The following MAD1L1 variants were observed in gnomAD, a reference collection of about 807,000 sequenced individuals.
MAD1L1 encodes mitotic spindle assembly checkpoint protein MAD1.
MAD1L1 carries 95 observed loss-of-function variants against 96.9 expected under a neutral mutation model. The ratio of observed to expected loss-of-function variants is 0.98; its 90% CI spans 0.83 to 1.16. The LOEUF (loss-of-function observed/expected upper bound fraction) is 1.16, where lower values mean the gene tolerates loss of function less well. MAD1L1 is among the 50% of genes most tolerant of loss of function. The probability of loss-of-function intolerance (pLI) is 0.00; values close to 1 mark genes in which losing one functional copy is unlikely to be tolerated. For missense variants in MAD1L1, 1,007 were observed against 954.4 expected (o/e 1.06, Z -0.73); for synonymous variants, 473 against 396.6 (o/e 1.19, Z -2.29).
chr7:2,223,922 T>G (rs1010256727), intron 4 of MAD1L1, among the ~76,000 whole-genome samples: 1 of 152,198 alleles, frequency 6.6e-6, no homozygotes, highest in Admixed American at 6.5e-5. Flanking sequence ...TGGGGTCCCA[T>G]GCAGCTGTGT....
intron 18 of MAD1L1, among the ~76,000 whole-genome samples, chr7:1,888,033 C>G (rs996137278): frequency 8.7e-5 from 12 of 137,602 alleles, no homozygotes; most frequent in African/African-American, 3.4e-4. Context: ...ATGCGTGAGA[C>G]TGAGCATGTG....
chr7:2,217,005 G>A (rs918527591), intron 7 of MAD1L1, among the ~76,000 whole-genome samples: 3 of 152,120 alleles, frequency 2.0e-5, no homozygotes, highest in Non-Finnish European at 4.4e-5. Flanking sequence ...GCACACTGCC[G>A]GGCTGCTGTG....
chr7:1,981,260 C>G (rs1780891323), intron 14 of MAD1L1, among the ~76,000 whole-genome samples: 1 of 152,228 alleles, frequency 6.6e-6, no homozygotes, highest in South Asian at 2.1e-4. Context: ...AGCCGGTGTG[C>G]CCGGCCAGGA....
intron 18 of MAD1L1, among the ~76,000 whole-genome samples, chr7:1,820,771 T>C (rs1349950932): frequency 6.6e-6 from 1 of 151,054 alleles, no homozygotes; most frequent in Non-Finnish European, 1.5e-5. Context: ...CCAGCAACGA[T>C]AAATTGATAA....
At chr7:1,872,459 C>T (rs1243473581) in intron 18 of MAD1L1, among the ~76,000 whole-genome samples, 2 of 152,238 alleles carry the variant, frequency 1.3e-5, no homozygotes, top group African/African-American at 2.4e-5. Flanking sequence ...CCCTGAGCCT[C>T]AGGGCAGGCA....
chr7:2,162,591 TAA>T (rs1333798316), intron 10 of MAD1L1, among the ~76,000 whole-genome samples: 1 of 109,978 alleles, frequency 9.1e-6, no homozygotes. Context: ...CAATAAATAC[TAA>T]AAAAAAAAAC....
Position 2,103,789 on chromosome 7 carries a change from G to A in MAD1L1, c.1074-34451C>T, listed in dbSNP as rs1296670219. 6.6e-6 allele frequency among the ~76,000 whole-genome samples: 1 copy of A among 152,224 alleles called. No homozygotes were observed. Among genetic ancestry groups the A allele is most frequent in the East Asian group, 1.9e-4 (1 of 5,184 alleles). Reference sequence around the variant, plus strand: ...GACCCCCTGAACCACTGTGCACGGAGTCCCTCCGCATCCCCAGGCAGAGGG... The same window carrying A: ...GACCCCCTGAACCACTGTGCACGGAATCCCTCCGCATCCCCAGGCAGAGGG... On this transcript the variant is annotated intron_variant, in intron 11 of 18. Coordinates refer to ENST00000265854, the MANE Select transcript of MAD1L1 (RefSeq NM_001013836.2). This position sits in a 1 kb window ranked among gnomAD's most constrained non-coding sequence, Gnocchi z 4.3.
At position 2,142,450 on chromosome 7, in the gene MAD1L1, G is replaced by A. The variant is rs1179768601; in HGVS notation, c.1073+6702C>T. Among the ~76,000 whole-genome samples the A allele has an allele frequency of 6.6e-6, 1 of 152,216 alleles. No homozygotes were observed. The highest frequency in any genetic ancestry group is 1.5e-5 in the Non-Finnish European group (1 of 68,032). On this transcript the variant is annotated intron_variant, in intron 11 of 18. Transcript: ENST00000265854. This position sits in a 1 kb window ranked among gnomAD's most constrained non-coding sequence, Gnocchi z 4.7. The stretch of plus-strand genomic sequence containing the variant: ...AACTCTTGGGACCAGCCCCACATGG[G>A]ACGCACAAGGGGCAGAGGGGGACAG...
At chr7:1,962,874 G>C (rs1006304173) in intron 15 of MAD1L1, among the ~76,000 whole-genome samples, 5 of 152,172 alleles carry the variant, frequency 3.3e-5, no homozygotes, top group Non-Finnish European at 5.9e-5. Context: ...TTGAGCCCAG[G>C]AGTCAGAGGC....
At chr7:2,211,294 CG>C (rs1412911646) in intron 10 of MAD1L1, among the ~76,000 whole-genome samples, 1 of 152,116 alleles carries the variant, frequency 6.6e-6, no homozygotes, top group Non-Finnish European at 1.5e-5. Context: ...ATGCTGGCCA[CG>C]CCCAGGCAGC....
In MAD1L1 at chr7:2,226,066, C is replaced by G. The variant is rs1375573609; in HGVS notation, c.151-516G>C. On this transcript the variant is annotated intron_variant, in intron 3 of 18. Transcript: ENST00000265854. Reference sequence around the variant, plus strand: ...CTCCAAAGTCAACCACGTCCAATCTCCCTCATCAAATCCCTCTCCTGCTAT... The same window carrying G: ...CTCCAAAGTCAACCACGTCCAATCTGCCTCATCAAATCCCTCTCCTGCTAT... Among the ~76,000 whole-genome samples the G allele has an allele frequency of 2.6e-5, 4 of 152,320 alleles. No homozygotes were observed. The East Asian group carries it at 7.7e-4, about 29-fold the overall frequency.
intron 17 of MAD1L1, among the ~76,000 whole-genome samples, chr7:1,912,981 C>G (rs940565269): frequency 1.3e-5 from 2 of 152,152 alleles, no homozygotes; most frequent in African/African-American, 4.8e-5. Context: ...TGCAGAACCT[C>G]AGCTCCCCGG....
At chr7:1,990,118 G>A (rs1364080090) in intron 14 of MAD1L1, among the ~76,000 whole-genome samples, 8 of 152,222 alleles carry the variant, frequency 5.3e-5, no homozygotes, top group Non-Finnish European at 7.3e-5. Context: ...GCGTGCACCC[G>A]CCGCCTCATC....
intron 10 of MAD1L1, among the ~76,000 whole-genome samples, chr7:2,211,351 C>T (rs150797651): frequency 2.6e-5 from 4 of 152,192 alleles, no homozygotes; most frequent in African/African-American, 7.2e-5. Flanking sequence ...CCAGGCAGGG[C>T]GCTCAGATGC....
In MAD1L1 at chr7:2,167,417, C is replaced by T. The variant is rs186786649; in HGVS notation, c.987-18179G>A. 5.9e-3 allele frequency among the ~76,000 whole-genome samples: 901 copies of T among 151,974 alleles called. 27 individuals carry two copies. The East Asian group carries it at 0.072, about 12-fold the overall frequency. Reference sequence around the variant, plus strand: ...AAAAAAAATTAGCCGGGCATGGTGGCGGGCGCCTGTAGTCCCAGCTACTCG... The same window carrying T: ...AAAAAAAATTAGCCGGGCATGGTGGTGGGCGCCTGTAGTCCCAGCTACTCG... On this transcript the variant is annotated intron_variant, in intron 10 of 18. Coordinates refer to ENST00000265854, the MANE Select transcript of MAD1L1 (RefSeq NM_001013836.2).
intron 17 of MAD1L1, among the ~76,000 whole-genome samples, chr7:1,920,952 C>T (rs1423888262): frequency 6.6e-6 from 1 of 152,258 alleles, no homozygotes; most frequent in Admixed American, 6.5e-5. Context: ...GTTCCCTGCT[C>T]CTCCTGCAAA....
chr7:2,199,258 C>T (rs899664629), intron 10 of MAD1L1, among the ~76,000 whole-genome samples: 1 of 152,236 alleles, frequency 6.6e-6, no homozygotes, highest in Non-Finnish European at 1.5e-5. Flanking sequence ...CTGGTTTTGG[C>T]CTTTTTAAAT....
intron 11 of MAD1L1, chr7:2,079,866 C>A: frequency 2.5e-6 from 1 of 407,264 alleles, no homozygotes; most frequent in Admixed American, 3.2e-5. Flanking sequence ...TAAACAACCG[C>A]CCCATGCCCT....
Position 2,199,839 on chromosome 7 carries a change from G to A in MAD1L1, c.986+13373C>T, listed in dbSNP as rs528055611. On this transcript the variant is annotated intron_variant, in intron 10 of 18. Transcript: ENST00000265854. ...ACCACCCACCTAGGTGCTTCCCAAC[G>A]CCATGCTGGCCAGCAGGGCCCACAC... 4.8e-3 allele frequency among the ~76,000 whole-genome samples: 735 copies of A among 152,294 alleles called. 9 individuals carry two copies. The highest frequency in any genetic ancestry group is 0.017 in the African/African-American group (693 of 41,568).
Sources: gnomAD v4.1 joint callset for allele counts (sites outside exome capture counted in the v4.1 genomes callset) on GRCh38, gnomAD v4.1.1 for gene constraint, Gnocchi (gnomAD v3.1) non-coding constraint, MANE v1.5 for transcripts, NCBI Gene and HGNC (gene_info 2026-07-23, HGNC 2026-07-21) for gene names.